Variants in ACP7 observed in about 807,000 individuals in gnomAD.
The protein encoded by ACP7 is acid phosphatase type 7.
Under a neutral mutation model 60.6 loss-of-function variants are expected in ACP7, and 58 were observed. The ratio of observed to expected loss-of-function variants is 0.96; its 90% CI spans 0.77 to 1.19. The LOEUF (loss-of-function observed/expected upper bound fraction) is 1.19. Ranked by LOEUF, ACP7 falls within the 50% of genes most tolerant of loss-of-function variation. ACP7 has a pLI of 0.00. For synonymous variants in ACP7, 237 were observed against 232.6 expected, an observed-to-expected ratio of 1.02 and a Z score of -0.17; for missense variants, 574 against 596.2, an observed-to-expected ratio of 0.96 and a Z score of 0.39.
Position 39,100,982 on chromosome 19 carries a change from A to G in ACP7, c.841A>G (p.Ile281Val). The G allele has an allele frequency of 6.2e-7, 1 of 1,610,580 alleles. No individual in the cohort carries two copies. The highest frequency in any genetic ancestry group is 1.1e-5 in the South Asian group (1 of 90,982). ...TAAGAACCGGGCAGCCCGGCCGTGG[A>G]TCATCACTATGGGGCACCGGCCCAT... is the stretch of plus-strand genomic sequence containing the variant. ...ANKNRAARPW[I>V]ITMGHRPMYC... is the part of the protein sequence containing the mutation. Residue 281 changes from isoleucine to valine, a missense_variant, in exon 8 of 13, where the codon ATC becomes GTC. Physicochemically the swap from Ile to Val is conservative, Grantham distance 29. Coordinates refer to ENST00000331256, the MANE Select transcript of ACP7 (RefSeq NM_001004318.3).
Position 39,110,058 on chromosome 19 carries a change from G to A in ACP7, c.1257G>A (p.Gly419=). 1 of 1,613,730 alleles carries A rather than the reference G, an allele frequency of 6.2e-7. No individual in the cohort carries two copies. Among genetic ancestry groups the A allele is most frequent in the East Asian group, 2.2e-5 (1 of 44,870 alleles). Residue 419 remains glycine (G), a synonymous_variant, in exon 13 of 13, where the codon GGG becomes GGA. Coordinates refer to ENST00000331256, the MANE Select transcript of ACP7 (RefSeq NM_001004318.3). ...CCTGTTTTTGTCCCTCACAGGATGG[G>A]AAGATCGTAGATGATGTCTGGGTGG... ...HIQQVSDDQD[G]KIVDDVWVVR...
At chr19:39,098,880 CACCAG>C (rs2073304047) in intron 3 of ACP7, 75 bp from the exon 4 acceptor site, 8 of 1,566,990 alleles carry the variant, frequency 5.1e-6, no homozygotes, top group African/African-American at 1.4e-5. Context: ...TCCTCCCCTC[CACCAG>C]TCGGGGAAGG....
At chr19:39,104,625 T>A (rs958769806) in intron 11 of ACP7, among the ~76,000 whole-genome samples, 15 of 152,234 alleles carry the variant, frequency 9.9e-5, no homozygotes, top group Admixed American at 7.9e-4. Context: ...GGCTTACGCC[T>A]GTAATCTCAA....
intron 2 of ACP7, among the ~76,000 whole-genome samples, chr19:39,093,457 T>C (rs1232504917): frequency 2.0e-5 from 3 of 151,996 alleles, no homozygotes; most frequent in Non-Finnish European, 4.4e-5. Flanking sequence ...TTTTGCCATA[T>C]GGGCCAGGCT....
In ACP7 at chr19:39,111,024, G is replaced by C. The variant is rs2073464870; in HGVS notation, c.*906G>C. 6.6e-6 allele frequency: 1 copy of C among 152,156 alleles called. No individual in the cohort carries two copies. Among genetic ancestry groups the C allele is most frequent in the Admixed American group, 6.6e-5 (1 of 15,252 alleles). 9.4% of individuals were successfully genotyped at this position (152,156 alleles called of 1,614,324 possible). A position where few individuals can be genotyped will look rare whatever the true frequency, so the allele number is the denominator to read the frequency against. On this transcript the variant is annotated 3_prime_UTR_variant, in exon 13 of 13. Coordinates refer to ENST00000331256, the MANE Select transcript of ACP7 (RefSeq NM_001004318.3). ...TGAGAGAGCAGTTTCAATTTTCAGG[G>C]GGATCTCACTGAGAGGGCAACATTT... is the stretch of plus-strand genomic sequence containing the variant.
In ACP7 at chr19:39,099,092, GGCTGC is replaced by G. The variant is rs2073308023; in HGVS notation, c.458_462del (p.Leu153GlnfsTer9). 6.2e-7 allele frequency: 1 copy of G among 1,600,374 alleles called. No individual in the cohort carries two copies. Among genetic ancestry groups the G allele is most frequent in the South Asian group, 1.1e-5 (1 of 89,566 alleles). ...GCTGACAACCCGAAGGCCGTCCCCC[GGCTGC>G]GCAGGGACACCCAGCAGGGCATGTA... On this transcript the variant is annotated frameshift_variant, in exon 4 of 13. Transcript: ENST00000331256. LOFTEE classifies it high-confidence loss of function.
intron 2 of ACP7, among the ~76,000 whole-genome samples, chr19:39,090,974 T>C (rs1156231384): frequency 6.6e-6 from 1 of 152,024 alleles, no homozygotes; most frequent in Non-Finnish European, 1.5e-5. Flanking sequence ...TCTGATGTTA[T>C]GATTGTCCCA....
At chr19:39,101,248 C>G in intron 9 of ACP7, 40 bp from the exon 10 acceptor site, 3 of 1,614,160 alleles carry the variant, frequency 1.9e-6, no homozygotes, top group African/African-American at 1.3e-5. Flanking sequence ...CCCCACCTCT[C>G]CCCAATTCAG....
intron 4 of ACP7, 61 bp from the exon 5 acceptor site, chr19:39,100,166 C>A: frequency 6.3e-7 from 1 of 1,597,018 alleles, no homozygotes; most frequent in South Asian, 1.1e-5. Flanking sequence ...CTGGCTCTCT[C>A]AATTCCAGTG....
intron 2 of ACP7, among the ~76,000 whole-genome samples, chr19:39,096,982 A>C (rs1024488415): frequency 2.0e-5 from 3 of 152,030 alleles, no homozygotes; most frequent in African/African-American, 7.2e-5. Flanking sequence ...TTGTATTTTT[A>C]GTAGAGATGG....
At chr19:39,100,546 T>C (rs1190969782) in intron 5 of ACP7, 34 bp from the exon 6 acceptor site, 1 of 1,611,452 alleles carries the variant, frequency 6.2e-7, no homozygotes, top group East Asian at 2.2e-5. Flanking sequence ...AATTCAGTCC[T>C]TCACCTCCAT....
rs141224151 is a variant in ACP7, at chr19:39,101,510, G to T, written c.1086G>T (p.Gly362=). ...AGATGCCCTACACCAACCCGCGAGG[G>T]CCTGTCCACATCATCACAGGATCTG... ...SREMPYTNPR[G]PVHIITGSAG... Residue 362 remains glycine, a synonymous_variant, in exon 11 of 13, where the codon GGG becomes GGT. Coordinates refer to ENST00000331256, the MANE Select transcript of ACP7 (RefSeq NM_001004318.3). The T allele has an allele frequency of 4.4e-4, 712 of 1,614,090 alleles. 3 individuals carry two copies. The African/African-American group carries it at 6.6e-3, about 15-fold the overall frequency.
At chr19:39,109,387 C>G (rs1364887737) in intron 12 of ACP7, among the ~76,000 whole-genome samples, 1 of 152,078 alleles carries the variant, frequency 6.6e-6, no homozygotes, top group Non-Finnish European at 1.5e-5. Flanking sequence ...GGAAGTTTTG[C>G]TCAGAGAGTC....
intron 2 of ACP7, among the ~76,000 whole-genome samples, 183 bp from the exon 3 acceptor site, chr19:39,098,275 A>G (rs1728989): frequency 0.11 from 13,251 of 123,858 alleles, 540 homozygotes; most frequent in Non-Finnish European, 0.14. Flanking sequence ...AAAAAAAAAA[A>G]AAAAGAAAAG....
At chr19:39,102,715 T>TTACATTCTTTC (rs1555769415) in intron 11 of ACP7, among the ~76,000 whole-genome samples, 1 of 118,616 alleles carries the variant, frequency 8.4e-6, no homozygotes, top group Admixed American at 8.6e-5. Context: ...CAATGAAGAC[T>TTACATTCTTTC]TTTCTTTCTT....
intron 2 of ACP7, 88 bp from the exon 3 acceptor site, chr19:39,098,370 G>C: frequency 9.9e-7 from 1 of 1,010,056 alleles, no homozygotes; most frequent in East Asian, 2.8e-5. Context: ...CTGTTCAACA[G>C]TGGTCAACGC....
intron 11 of ACP7, among the ~76,000 whole-genome samples, chr19:39,103,913 C>T (rs950211963): frequency 2.6e-5 from 4 of 151,720 alleles, no homozygotes; most frequent in Admixed American, 6.6e-5. Context: ...TCCCCCAGCT[C>T]GGCCTTCCAA....
rs532695199 is a variant in ACP7 at position 39,100,363 on chromosome 19, G to A, written c.629+13G>A. On this transcript the variant is annotated intron_variant, in intron 5 of 12. Coordinates refer to ENST00000331256, the MANE Select transcript of ACP7 (RefSeq NM_001004318.3). ...ATGAAGAACGCTAGTGAGGACTGAG[G>A]GTGGTGGCGGTGGGCGAGGGCTGGA... 2.5e-6 allele frequency: 4 copies of A among 1,613,442 alleles called. No homozygotes were observed. The South Asian group carries it at 3.3e-5, about 13-fold the overall frequency.
At chr19:39,086,185 AGGTGT>A (rs1438283032) in intron 2 of ACP7, among the ~76,000 whole-genome samples, 1 of 152,056 alleles carries the variant, frequency 6.6e-6, no homozygotes, top group Non-Finnish European at 1.5e-5. Context: ...AATCTTAGAC[AGGTGT>A]GGTGGCATGC....
Sources: allele counts gnomAD v4.1 joint callset (sites outside exome capture counted in the v4.1 genomes callset), GRCh38; gene constraint gnomAD v4.1.1; transcripts MANE v1.5; gene names NCBI Gene and HGNC (gene_info 2026-07-23, HGNC 2026-07-21).